The following PHKG2 variants were observed in gnomAD, a reference collection of about 807,000 sequenced individuals.
PHKG2 encodes phosphorylase kinase catalytic subunit gamma 2.
A neutral mutation model predicts 44.5 loss-of-function variants in PHKG2; 28 were observed. The ratio of observed to expected loss-of-function variants is 0.63; its 90% CI spans 0.47 to 0.86. The LOEUF (loss-of-function observed/expected upper bound fraction) is 0.86. Among genes scored for constraint, PHKG2 ranks in the 40% least tolerant of loss-of-function variants. The pLI is 0.00. For missense variants in PHKG2, 498 were observed against 547.5 expected (o/e 0.91, Z 0.90); for synonymous variants, 220 against 211.2 (o/e 1.04, Z -0.36).
In PHKG2 at chr16:30,751,534, T is replaced by G. The variant is rs754689252; in HGVS notation, c.272-15T>G. 2.5e-6 allele frequency: 4 copies of G among 1,611,140 alleles called. No individual in the cohort carries two copies. The Admixed American group carries it at 6.7e-5, about 27-fold the overall frequency. On this transcript the variant is annotated splice_polypyrimidine_tract_variant and intron_variant, in intron 3 of 9. Coordinates refer to ENST00000563588, the MANE Select transcript of PHKG2 (RefSeq NM_000294.3). ...TTCCATCTCTGTCTCTCTGCCTCTC[T>G]TCCTCTCTCCCTAGTCACCCTCATC... is the stretch of plus-strand genomic sequence containing the variant.
Position 30,757,523 on chromosome 16 carries a change from G to A in PHKG2, c.*426G>A, listed in dbSNP as rs776921895. On this transcript the variant is annotated 3_prime_UTR_variant, in exon 10 of 10. Coordinates refer to ENST00000563588, the MANE Select transcript of PHKG2 (RefSeq NM_000294.3). The stretch of plus-strand genomic sequence containing the variant: ...TTACCCGGAGGTAGCTGGAAGGGCC[G>A]CTCTAGTGCAGTCAACTTGCTGCTG... 9.9e-6 allele frequency: 16 copies of A among 1,614,082 alleles called. No homozygotes were observed. The highest frequency in any genetic ancestry group is 2.2e-5 in the East Asian group (1 of 44,902).
rs1188632240 is a variant in PHKG2 at position 30,756,416 on chromosome 16, T to G, written c.697T>G (p.Phe233Val). Residue 233 changes from phenylalanine to valine, a missense_variant, in exon 8 of 10, where the codon TTC (phenylalanine) becomes GTC (valine). Phe to Val is a conservative substitution (Grantham distance 50, BLOSUM62 -1). Coordinates refer to ENST00000563588, the MANE Select transcript of PHKG2 (RefSeq NM_000294.3). Reference sequence around the variant, plus strand: ...CACACTCCTGGCTGGCTCGCCACCCTTCTGGCACCGGCGGCAGATCCTGAT... The same window carrying G: ...CACACTCCTGGCTGGCTCGCCACCCGTCTGGCACCGGCGGCAGATCCTGAT... Reference protein sequence around the residue: ...LFTLLAGSPPFWHRRQILMLR... With the variant: ...LFTLLAGSPPVWHRRQILMLR... The G allele has an allele frequency of 1.2e-6, 2 of 1,614,054 alleles. No homozygotes were observed. The highest frequency in any genetic ancestry group is 3.3e-5 in the Admixed American group (2 of 60,032).
rs1017224146 is a variant in PHKG2, at chr16:30,748,452, A to C, written c.-57A>C. 8 of 295,848 alleles carry C rather than the reference A, an allele frequency of 2.7e-5. No individual in the cohort carries two copies. Among genetic ancestry groups the C allele is most frequent in the Non-Finnish European group, 5.1e-5 (8 of 156,082 alleles). The allele number at this position is 295,848 out of a possible 1,614,324, so 18.3% of individuals were successfully genotyped here. On this transcript the variant is annotated 5_prime_UTR_variant, in exon 1 of 10. Transcript: ENST00000563588. Reference sequence around the variant, plus strand: ...CTGCAGGCAAACCCGGCGACAGCGCAGCTCGCGTCGACCCTGGCTCCTCTG... The same window carrying C: ...CTGCAGGCAAACCCGGCGACAGCGCCGCTCGCGTCGACCCTGGCTCCTCTG...
rs1337826125 is a variant in PHKG2 at position 30,759,350 on chromosome 16, T to C, written c.*2253T>C. The C allele has an allele frequency of 2.5e-6, 4 of 1,613,736 alleles. No individual in the cohort carries two copies. The highest frequency in any genetic ancestry group is 2.7e-5 in the African/African-American group (2 of 74,918). On this transcript the variant is annotated 3_prime_UTR_variant, in exon 10 of 10. Coordinates refer to ENST00000563588, the MANE Select transcript of PHKG2 (RefSeq NM_000294.3). ...GGTCCACCACCCCCTACCTGGGGTGTGAAGACGTATTTATAGAGCTTGAAG... is the reference window on the plus strand; with the variant it reads ...GGTCCACCACCCCCTACCTGGGGTGCGAAGACGTATTTATAGAGCTTGAAG...
chr16:30,748,672 T>TCCCCCACCCC (rs2053285654), intron 1 of PHKG2, 131 bp from the exon 2 acceptor site: 2 of 348,168 alleles, frequency 5.7e-6, no homozygotes, highest in Non-Finnish European at 5.4e-6. Flanking sequence ...TCCGGGTCCT[T>TCCCCCACCCC]CCCCCACCCC....
chr16:30,754,187 A>C (rs889910730), intron 6 of PHKG2, among the ~76,000 whole-genome samples: 9 of 143,818 alleles, frequency 6.3e-5, no homozygotes, highest in African/African-American at 2.4e-4. Context: ...TTTTTTTGAG[A>C]CAGAGTCTCA....
rs764516590 is a variant in PHKG2 at position 30,753,560 on chromosome 16, G to A, written c.556+3G>A. On this transcript the variant is annotated splice_donor_region_variant and intron_variant, in intron 6 of 9. Coordinates refer to ENST00000563588, the MANE Select transcript of PHKG2 (RefSeq NM_000294.3). Reference sequence around the variant, plus strand: ...GGAACCTGGCGAGAAGCTTCGAGGTGAGGGGATCTAGTGCCCTAATAGGCT... The same window carrying A: ...GGAACCTGGCGAGAAGCTTCGAGGTAAGGGGATCTAGTGCCCTAATAGGCT... 1.2e-6 allele frequency: 2 copies of A among 1,614,014 alleles called. No homozygotes were observed. Among genetic ancestry groups the A allele is most frequent in the South Asian group, 1.1e-5 (1 of 91,082 alleles).
chr16:30,757,336 G>A lies in PHKG2; in HGVS notation c.*239G>A. On this transcript the variant is annotated 3_prime_UTR_variant, in exon 10 of 10. Coordinates refer to ENST00000563588, the MANE Select transcript of PHKG2 (RefSeq NM_000294.3). ...GGTCAGTGCTGCATGCACTGCATAT[G>A]AAATAAAATCTGCTACACGCCAGGG... The A allele has an allele frequency of 1.3e-6, 2 of 1,529,586 alleles. No homozygotes were observed. The highest frequency in any genetic ancestry group is 1.7e-6 in the Non-Finnish European group (2 of 1,143,076). The allele number at this position is 1,529,586 out of a possible 1,614,324, so 94.8% of individuals were successfully genotyped here.
chr16:30,752,690 A>C (rs1248734630), intron 4 of PHKG2: 1 of 162,078 alleles, frequency 6.2e-6, no homozygotes, highest in East Asian at 1.8e-4. Flanking sequence ...AGGGGACGTA[A>C]GGATGTCTAT....
At chr16:30,755,504 G>A (rs774416332) in intron 6 of PHKG2, among the ~76,000 whole-genome samples, 7 of 150,990 alleles carry the variant, frequency 4.6e-5, no homozygotes, top group Non-Finnish European at 8.9e-5. Flanking sequence ...GTGAAAGCCT[G>A]TCTCTACTAA....
In PHKG2 at chr16:30,760,239, T is replaced by C. The variant is rs761427924; in HGVS notation, c.*3142T>C. On this transcript the variant is annotated 3_prime_UTR_variant, in exon 10 of 10. Coordinates refer to ENST00000563588, the MANE Select transcript of PHKG2 (RefSeq NM_000294.3). ...CATGGTCACTTGTGCCAGGCCCGGT[T>C]CCTCTTCTCCCTGGGGCTCAAACCT... is the stretch of plus-strand genomic sequence containing the variant. 4 of 1,613,754 alleles carry C rather than the reference T, an allele frequency of 2.5e-6. No homozygotes were observed. The highest frequency in any genetic ancestry group is 2.5e-6 in the Non-Finnish European group (3 of 1,180,030).
In PHKG2 at chr16:30,748,502, C is replaced by T. The variant is rs1240580981; in HGVS notation, c.-19+12C>T. On this transcript the variant is annotated intron_variant, in intron 1 of 9. Transcript: ENST00000563588. Reference sequence around the variant, plus strand: ...GCCTGCCCCCTCAGGTGAGCCTGCGCTAGACCCCCGTCCCCTTCCTGCGCC... The same window carrying T: ...GCCTGCCCCCTCAGGTGAGCCTGCGTTAGACCCCCGTCCCCTTCCTGCGCC... 3 of 450,412 alleles carry T rather than the reference C, an allele frequency of 6.7e-6. No individual in the cohort carries two copies. The highest frequency in any genetic ancestry group is 1.2e-5 in the Non-Finnish European group (3 of 248,412). 27.9% of individuals were successfully genotyped at this position (450,412 alleles called of 1,614,324 possible).
intron 4 of PHKG2, 197 bp downstream of exon 4, chr16:30,751,800 A>G: frequency 1.5e-6 from 1 of 682,240 alleles, no homozygotes; most frequent in Non-Finnish European, 2.7e-6. Context: ...AAATTCTTTA[A>G]TAGTGACTAG....
rs1191456820 is a variant in PHKG2, at chr16:30,749,184, C to CTGG, written c.95+278_95+280dup. Among the ~76,000 whole-genome samples, 10 of 60,814 alleles carry CTGG rather than the reference C, an allele frequency of 1.6e-4. 3 individuals carry two copies. The highest frequency in any genetic ancestry group is 5.4e-4 in the Admixed American group (3 of 5,552). 39.9% of individuals were successfully genotyped at this position (60,814 alleles called of 152,430 possible). On this transcript the variant is annotated intron_variant, in intron 2 of 9. Coordinates refer to ENST00000563588, the MANE Select transcript of PHKG2 (RefSeq NM_000294.3). ...GGTGGTGGTGGTGCTGGTGGTGGTGCTGGTGGTGGTGCTGGTGGTGGTGTG... is the reference window on the plus strand; with the variant it reads ...GGTGGTGGTGGTGCTGGTGGTGGTGCTGGTGGTGGTGGTGCTGGTGGTGGTGTG...
rs373555168 is a variant in PHKG2, at chr16:30,757,742, A to T, written c.*645A>T. 2 of 1,495,888 alleles carry T rather than the reference A, an allele frequency of 1.3e-6. No individual in the cohort carries two copies. Among genetic ancestry groups the T allele is most frequent in the Non-Finnish European group, 1.8e-6 (2 of 1,126,300 alleles). The allele number at this position is 1,495,888 out of a possible 1,614,324, so 92.7% of individuals were successfully genotyped here. On this transcript the variant is annotated 3_prime_UTR_variant, in exon 10 of 10. Coordinates refer to ENST00000563588, the MANE Select transcript of PHKG2 (RefSeq NM_000294.3). ...TCCCTAGTTGGGCAAACAGTCCCCA[A>T]ATTTCCCCTGGTGGGGATATAGAGG...
At chr16:30,756,091 G>A in intron 6 of PHKG2, 91 bp from the exon 7 acceptor site, 2 of 948,060 alleles carry the variant, frequency 2.1e-6, no homozygotes, top group Non-Finnish European at 3.5e-6. Flanking sequence ...TGGTAGTCCT[G>A]GCAGCGTTGA....
chr16:30,756,061 C>G, intron 6 of PHKG2, 121 bp from the exon 7 acceptor site: 4 of 839,934 alleles, frequency 4.8e-6, no homozygotes, highest in Non-Finnish European at 8.4e-6. Flanking sequence ...AGAAGGCAGA[C>G]AGAAGGAAGA....
intron 1 of PHKG2, 104 bp from the exon 2 acceptor site, chr16:30,748,699 C>A: frequency 2.0e-6 from 1 of 493,088 alleles, no homozygotes; most frequent in South Asian, 2.0e-5. Context: ...CCCCCCAGGA[C>A]CCTGGCGCCC....
intron 1 of PHKG2, 133 bp downstream of exon 1, chr16:30,748,623 A>G: frequency 2.3e-6 from 1 of 435,420 alleles, no homozygotes; most frequent in Non-Finnish European, 4.1e-6. Context: ...CTGCCCTGCC[A>G]TCCTCCCGCC....
Sources: gnomAD v4.1 joint callset for allele counts (sites outside exome capture counted in the v4.1 genomes callset) on GRCh38, gnomAD v4.1.1 for gene constraint, MANE v1.5 for transcripts, NCBI Gene and HGNC (gene_info 2026-07-23, HGNC 2026-07-21) for gene names.